The following NOX4 variants were observed in gnomAD, a reference collection of about 807,000 sequenced individuals.
NOX4 encodes kidney oxidase-1.
A neutral mutation model predicts 87.6 loss-of-function variants in NOX4; 69 were observed. That is an observed-to-expected ratio of 0.79 (90% CI 0.65 to 0.96). NOX4 has a LOEUF of 0.96. Among genes scored for constraint, NOX4 ranks in the 40% least tolerant of loss-of-function variants. The pLI, the probability that NOX4 is intolerant of heterozygous loss-of-function variation, is 0.00. For missense variants in NOX4, 680 were observed against 681.5 expected (o/e 1.00, Z 0.02); for synonymous variants, 275 against 238.2 (o/e 1.15, Z -1.42).
Position 89,421,964 on chromosome 11 carries a change from G to A in NOX4, c.567C>T (p.Ile189=). The A allele has an allele frequency of 6.5e-7, 1 of 1,548,228 alleles. No homozygotes were observed. ...TYAIRVSNYD[I]FWYTHNLFFV... ...AGAAGAGGTTATGAGTATACCAGAA[G>A]ATATCATAGTTAGAAACTCTGCAAA... is the stretch of plus-strand genomic sequence containing the variant. Residue 189 remains isoleucine (I), a synonymous_variant, in exon 8 of 18, where the codon ATC becomes ATT. Coordinates refer to ENST00000263317, the MANE Select transcript of NOX4 (RefSeq NM_016931.5).
chr11:89,446,595 C>T (rs1408765962), intron 4 of NOX4, among the ~76,000 whole-genome samples: 1 of 152,056 alleles, frequency 6.6e-6, no homozygotes, highest in Non-Finnish European at 1.5e-5. Context: ...ATTCATATTA[C>T]TAAGTGAAAG....
the NOX4 span, among the ~76,000 whole-genome samples, chr11:89,517,812 T>C: frequency 6.6e-6 from 1 of 152,054 alleles, no homozygotes; most frequent in Non-Finnish European, 1.5e-5. Flanking sequence ...ATAAGGATTA[T>C]GTTGATCTTG....
chr11:89,568,764 C>G, the NOX4 span, among the ~76,000 whole-genome samples: 1 of 152,170 alleles, frequency 6.6e-6, no homozygotes, highest in Non-Finnish European at 1.5e-5. Context: ...AGGCATCACA[C>G]TCTACTACAA....
the NOX4 span, among the ~76,000 whole-genome samples, chr11:89,507,348 G>T: frequency 1.5e-4 from 22 of 151,422 alleles, no homozygotes; most frequent in African/African-American, 5.1e-4. Flanking sequence ...GTAAAGTTAC[G>T]TGTGTGTATA....
At chr11:89,505,619 G>A in the NOX4 span, among the ~76,000 whole-genome samples, 7 of 151,840 alleles carry the variant, frequency 4.6e-5, no homozygotes, top group Non-Finnish European at 8.8e-5. Flanking sequence ...TGGAGGAAAT[G>A]TGCGGCAAAG....
intron 2 of NOX4, among the ~76,000 whole-genome samples, chr11:89,478,394 T>C (rs534225249): frequency 6.6e-6 from 1 of 152,284 alleles, no homozygotes; most frequent in East Asian, 1.9e-4. Flanking sequence ...GTATATTTGT[T>C]AAGAGGTGAA....
At chr11:89,488,092 C>T (rs1234187323) in intron 2 of NOX4, among the ~76,000 whole-genome samples, 2 of 152,018 alleles carry the variant, frequency 1.3e-5, no homozygotes, top group African/African-American at 4.8e-5. Context: ...TGTAGAAAGA[C>T]CATTCCTGTC....
the NOX4 span, among the ~76,000 whole-genome samples, chr11:89,516,278 ATCTTT>A: frequency 2.0e-5 from 3 of 152,108 alleles, no homozygotes; most frequent in African/African-American, 7.2e-5. Context: ...ACAGTCCTAT[ATCTTT>A]TAAGAGAAAT....
intron 8 of NOX4, among the ~76,000 whole-genome samples, chr11:89,418,719 G>A (rs1389886621): frequency 6.6e-6 from 1 of 151,848 alleles, no homozygotes; most frequent in Non-Finnish European, 1.5e-5. Flanking sequence ...AAAGAACATT[G>A]TGAGAATTAG....
rs773995850 is a variant in NOX4, at chr11:89,373,509, G to A, written c.1075-17C>T. Reference sequence around the variant, plus strand: ...AGTTGGACACTAAAAAAAAATACTAGAATCAATTGTGATTAATAATTACAT... The same window carrying A: ...AGTTGGACACTAAAAAAAAATACTAAAATCAATTGTGATTAATAATTACAT... On this transcript the variant is annotated splice_polypyrimidine_tract_variant and intron_variant, in intron 11 of 17. Transcript: ENST00000263317. 6.8e-7 allele frequency: 1 copy of A among 1,471,914 alleles called. No homozygotes were observed. The highest frequency in any genetic ancestry group is 9.5e-7 in the Non-Finnish European group (1 of 1,055,298). 91.2% of individuals were successfully genotyped at this position (1,471,914 alleles called of 1,614,324 possible). A position where few individuals can be genotyped will look rare whatever the true frequency, so the allele number is the denominator to read the frequency against.
chr11:89,575,699 C>A, the NOX4 span, among the ~76,000 whole-genome samples: 1 of 152,088 alleles, frequency 6.6e-6, no homozygotes, highest in South Asian at 2.1e-4. Flanking sequence ...TTTCTTTCTC[C>A]ATTTCAACCT....
rs183554596 is a variant in NOX4, at chr11:89,394,872, T to C, written c.1074+5145A>G. Among the ~76,000 whole-genome samples the C allele has an allele frequency of 4.6e-3, 707 of 152,324 alleles. 9 individuals carry two copies. Among genetic ancestry groups the C allele is most frequent in the African/African-American group, 0.015 (619 of 41,564 alleles). On this transcript the variant is annotated intron_variant, in intron 11 of 17. Transcript: ENST00000263317. ...GCTGCATAGCATTCCATGGTGTATA[T>C]GTGCCACATATTCTTAATCCACTCT...
chr11:89,514,965 T>TC, the NOX4 span, among the ~76,000 whole-genome samples: 1 of 152,038 alleles, frequency 6.6e-6, no homozygotes, highest in Non-Finnish European at 1.5e-5. Context: ...TGCTGAGTAT[T>TC]ATTCCATGGA....
At chr11:89,514,115 A>ATTAATTC in the NOX4 span, among the ~76,000 whole-genome samples, 2 of 152,120 alleles carry the variant, frequency 1.3e-5, no homozygotes, top group African/African-American at 4.8e-5. Flanking sequence ...TTTTAACAAT[A>ATTAATTC]TTAATTCTTT....
chr11:89,345,109 T>C (rs1276499665), intron 13 of NOX4, among the ~76,000 whole-genome samples: 1 of 152,184 alleles, frequency 6.6e-6, no homozygotes, highest in African/African-American at 2.4e-5. Context: ...TGGTTCTCCC[T>C]TGATAGCTTT....
At chr11:89,432,262 A>G (rs1456479168) in intron 7 of NOX4, among the ~76,000 whole-genome samples, 1 of 152,044 alleles carries the variant, frequency 6.6e-6, no homozygotes, top group Non-Finnish European at 1.5e-5. Flanking sequence ...TGATGAGTTA[A>G]TGGGTGCGGC....
intron 6 of NOX4, among the ~76,000 whole-genome samples, chr11:89,436,671 T>C (rs1057300440): frequency 3.3e-5 from 5 of 152,166 alleles, no homozygotes; most frequent in Non-Finnish European, 5.9e-5. Context: ...CATTATCTAT[T>C]CATTATCCTA....
intron 5 of NOX4, among the ~76,000 whole-genome samples, chr11:89,441,881 C>T (rs1290481333): frequency 1.3e-5 from 2 of 149,388 alleles, no homozygotes; most frequent in Non-Finnish European, 3.0e-5. Context: ...AAAAGAAGAA[C>T]AATAGGGTAT....
chr11:89,373,611 A>G, intron 11 of NOX4, 119 bp from the exon 12 acceptor site: 1 of 683,712 alleles, frequency 1.5e-6, no homozygotes, highest in South Asian at 1.8e-5. Flanking sequence ...AGGAAGGAAC[A>G]GACTAAAATC....
Sources: gnomAD v4.1 joint callset for allele counts (sites outside exome capture counted in the v4.1 genomes callset) on GRCh38, gnomAD v4.1.1 for gene constraint, MANE v1.5 for transcripts, NCBI Gene and HGNC (gene_info 2026-07-23, HGNC 2026-07-21) for gene names.